The following MARCHF8 variants were observed in gnomAD, a reference collection of about 807,000 sequenced individuals.
MARCHF8 encodes the protein membrane associated ring-CH-type finger 8.
Under a neutral mutation model 51.6 loss-of-function variants are expected in MARCHF8, and 40 were observed. That is an observed-to-expected ratio of 0.77 (90% confidence interval 0.60 to 1.01). MARCHF8 has a LOEUF of 1.01. Ranked by LOEUF, MARCHF8 falls within the 50% of genes least tolerant of loss-of-function variation. The probability of loss-of-function intolerance (pLI) is 0.00; values close to 1 mark genes in which losing one functional copy is unlikely to be tolerated. For synonymous variants in MARCHF8, 263 were observed against 280.3 expected (o/e 0.94, Z 0.62); for missense variants, 685 against 708.6 (o/e 0.97, Z 0.38).
chr10:45,457,996 G>A lies in MARCHF8; in HGVS notation c.*243C>T. 4.0e-6 allele frequency: 2 copies of A among 500,524 alleles called. No homozygotes were observed. Among genetic ancestry groups the A allele is most frequent in the Non-Finnish European group, 6.9e-6 (2 of 287,954 alleles). The allele number at this position is 500,524 out of a possible 1,614,324, so 31.0% of individuals were successfully genotyped here. A position where few individuals can be genotyped will look rare whatever the true frequency, so the allele number is the denominator to read the frequency against. ...GGCAGGAACTCTGCTGGCTCCCCATGATGTCATCATGGGGTCTTCCACTTT... is the reference window on the plus strand; with the variant it reads ...GGCAGGAACTCTGCTGGCTCCCCATAATGTCATCATGGGGTCTTCCACTTT... On this transcript the variant is annotated 3_prime_UTR_variant, in exon 8 of 8. Transcript: ENST00000453424.
At chr10:45,540,083 T>C (rs1380643306), upstream of MARCHF8, among the ~76,000 whole-genome samples, 1 of 152,236 alleles carries the variant, frequency 6.6e-6, no homozygotes, top group Non-Finnish European at 1.5e-5. Context: ...TCCATGCTCA[T>C]GGGTAGGAAG....
intron 2 of MARCHF8, among the ~76,000 whole-genome samples, chr10:45,502,514 A>C (rs932575111): frequency 9.9e-5 from 15 of 152,196 alleles, no homozygotes; most frequent in Non-Finnish European, 1.5e-4. Context: ...TAGTCAAATT[A>C]ATGAAGACAA....
chr10:45,466,413 G>C (rs1412657066), intron 3 of MARCHF8, among the ~76,000 whole-genome samples: 1 of 152,194 alleles, frequency 6.6e-6, no homozygotes, highest in African/African-American at 2.4e-5. Context: ...AGAGAAGTAA[G>C]CGTCTTCATC....
chr10:45,536,295 T>C (rs564517822), upstream of MARCHF8, among the ~76,000 whole-genome samples: 4 of 152,176 alleles, frequency 2.6e-5, no homozygotes, highest in African/African-American at 9.6e-5. Context: ...AGATCACTTC[T>C]TGGGGAAAGA....
chr10:45,471,004 T>A (rs1444973778), intron 3 of MARCHF8, among the ~76,000 whole-genome samples: 1 of 152,166 alleles, frequency 6.6e-6, no homozygotes, highest in Non-Finnish European at 1.5e-5. Context: ...GATAAATACA[T>A]GTTGACTCTT....
intron 1 of MARCHF8, 91 bp downstream of exon 1, chr10:45,535,120 T>G (rs1398291702): frequency 6.6e-6 from 1 of 152,228 alleles, no homozygotes; most frequent in African/African-American, 2.4e-5. Context: ...AAGCCTTTGA[T>G]GAGGCTGGCA....
At chr10:45,543,712 G>A (rs2044083164) in intron 1 of MARCHF8, among the ~76,000 whole-genome samples, 1 of 150,688 alleles carries the variant, frequency 6.6e-6, no homozygotes, top group African/African-American at 2.4e-5. Flanking sequence ...GCCGGAGAAT[G>A]GCGTGAACCC....
At chr10:45,592,607 C>A (rs1185756708) in intron 1 of MARCHF8, among the ~76,000 whole-genome samples, 1 of 152,120 alleles carries the variant, frequency 6.6e-6, no homozygotes, top group African/African-American at 2.4e-5. Context: ...GTGATTATAG[C>A]AGAAATGGAA....
At chr10:45,474,376 T>G (rs1406015273) in intron 3 of MARCHF8, among the ~76,000 whole-genome samples, 1 of 152,148 alleles carries the variant, frequency 6.6e-6, no homozygotes, top group Non-Finnish European at 1.5e-5. Context: ...TATGGCTTCC[T>G]GGTACCCCGA....
chr10:45,550,684 T>C (rs1436854603), intron 1 of MARCHF8, among the ~76,000 whole-genome samples: 4 of 152,090 alleles, frequency 2.6e-5, no homozygotes, highest in African/African-American at 9.7e-5. Flanking sequence ...GTACATGCCA[T>C]GTACAACCTT....
intron 3 of MARCHF8, among the ~76,000 whole-genome samples, chr10:45,468,351 G>C (rs1399819105): frequency 6.6e-6 from 1 of 152,198 alleles, no homozygotes. Flanking sequence ...TCTCACTGCA[G>C]GACACCAGCG....
In MARCHF8 at chr10:45,458,380, G is replaced by A; in HGVS notation, c.1581C>T (p.Ser527=). ...VIYVQNCPET[S]KKNIFEKSPL... ...GAGATTTTTCAAAAATATTCTTTTT[G>A]CTTGTTTCTGGACAGTTTTGAACAT... Residue 527 remains serine (S), a synonymous_variant, in exon 8 of 8, where the codon AGC becomes AGT. Transcript: ENST00000453424. The A allele has an allele frequency of 6.2e-7, 1 of 1,614,078 alleles. No individual in the cohort carries two copies. Among genetic ancestry groups the A allele is most frequent in the Non-Finnish European group, 8.5e-7 (1 of 1,180,010 alleles).
chr10:45,517,296 C>A (rs2133222790), intron 2 of MARCHF8, among the ~76,000 whole-genome samples: 1 of 152,304 alleles, frequency 6.6e-6, no homozygotes, highest in Non-Finnish European at 1.5e-5. Flanking sequence ...AAAAAGAGAA[C>A]CTCTTAAGAA....
At chr10:45,484,577 C>T (rs913738445) in intron 3 of MARCHF8, among the ~76,000 whole-genome samples, 7 of 152,160 alleles carry the variant, frequency 4.6e-5, no homozygotes, top group African/African-American at 1.7e-4. Flanking sequence ...CTACACACTG[C>T]TATCATTACA....
chr10:45,459,180 A>G lies in MARCHF8; in HGVS notation c.1357T>C (p.Trp453Arg), dbSNP rs1224913604. ...FHVIAITCVVWSLYVLIDRTA... is the reference protein window; with the variant it reads ...FHVIAITCVVRSLYVLIDRTA... The stretch of plus-strand genomic sequence containing the variant: ...CGGTCAATGAGCACATACAAGGACC[A>G]GACCACACATGTGATGGCAATGACG... The change falls in exon 7 of 8, where the codon TGG becomes CGG. Residue 453 changes from tryptophan to arginine, a missense_variant. Physicochemically the swap from Trp to Arg is moderately radical, Grantham distance 101. Transcript: ENST00000453424. The G allele has an allele frequency of 2.5e-6, 4 of 1,614,042 alleles. No homozygotes were observed. The highest frequency in any genetic ancestry group is 2.2e-5 in the East Asian group (1 of 44,886).
chr10:45,493,047 C>T (rs909576381), intron 2 of MARCHF8, among the ~76,000 whole-genome samples: 2 of 152,168 alleles, frequency 1.3e-5, no homozygotes, highest in African/African-American at 4.8e-5. Flanking sequence ...ACGTGTATTA[C>T]CACTGAACTC....
At chr10:45,575,486 G>A (rs1458653279) in intron 1 of MARCHF8, among the ~76,000 whole-genome samples, 1 of 151,866 alleles carries the variant, frequency 6.6e-6, no homozygotes, top group African/African-American at 2.4e-5. Flanking sequence ...AATTCTATAC[G>A]ACAAATGCTC....
chr10:45,562,654 A>T (rs2044323184), intron 1 of MARCHF8, among the ~76,000 whole-genome samples: 1 of 152,192 alleles, frequency 6.6e-6, no homozygotes, highest in Non-Finnish European at 1.5e-5. Flanking sequence ...TTTTTTAAAA[A>T]AAAGAAACTT....
intron 6 of MARCHF8, among the ~76,000 whole-genome samples, chr10:45,460,726 C>T (rs554832105): frequency 1.3e-5 from 2 of 152,300 alleles, no homozygotes; most frequent in East Asian, 3.9e-4. Flanking sequence ...TTTCTGAAGA[C>T]AGTTGCACAT....
Sources: gnomAD v4.1 joint callset for allele counts (sites outside exome capture counted in the v4.1 genomes callset) on GRCh38, gnomAD v4.1.1 for gene constraint, MANE v1.5 for transcripts, NCBI Gene and HGNC (gene_info 2026-07-23, HGNC 2026-07-21) for gene names.